DDAH1: variants seen among roughly 807,000 people sequenced by gnomAD.
DDAH1 encodes dimethylarginine dimethylaminohydrolase 1, also known as N(G),N(G)-dimethylarginine dimethylaminohydrolase 1.
A neutral mutation model predicts 28.8 loss-of-function variants in DDAH1; 19 were observed. The observed-to-expected ratio is 0.66, with a 90% CI of 0.46 to 0.97. The LOEUF (loss-of-function observed/expected upper bound fraction) is 0.97, where lower values mean the gene tolerates loss of function less well. DDAH1 is among the 50% of genes least tolerant of loss of function. The probability of loss-of-function intolerance (pLI) is 0.00; values close to 1 mark genes in which losing one functional copy is unlikely to be tolerated. For synonymous variants in DDAH1, 153 were observed against 154.4 expected (o/e 0.99, Z 0.07); for missense variants, 326 against 375.9 (o/e 0.87, Z 1.10).
chr1:85,523,148 C>A (rs539333550), intron 1 of DDAH1, among the ~76,000 whole-genome samples: 1 of 151,830 alleles, frequency 6.6e-6, no homozygotes, highest in African/African-American at 2.4e-5. Flanking sequence ...GTAGGGCTCA[C>A]GCAGTTGAAG....
At chr1:85,345,376 T>A (rs895383166) in intron 4 of DDAH1, among the ~76,000 whole-genome samples, 1 of 151,546 alleles carries the variant, frequency 6.6e-6, no homozygotes, top group Non-Finnish European at 1.5e-5. Context: ...GAAGGTGAGA[T>A]GCAAAGTTGG....
At chr1:85,453,465 T>C (rs981306041) in intron 1 of DDAH1, among the ~76,000 whole-genome samples, 2 of 152,188 alleles carry the variant, frequency 1.3e-5, no homozygotes, top group Non-Finnish European at 1.5e-5. Context: ...CCTCTATCAT[T>C]AATGTCTCTC....
intron 1 of DDAH1, among the ~76,000 whole-genome samples, chr1:85,523,879 ACT>A (rs1491003360): frequency 6.6e-6 from 1 of 152,046 alleles, no homozygotes; most frequent in Non-Finnish European, 1.5e-5. Flanking sequence ...AGGAAAGTTA[ACT>A]CTATGAACAC....
chr1:85,511,179 C>T (rs200185361), intron 1 of DDAH1, among the ~76,000 whole-genome samples: 1 of 152,074 alleles, frequency 6.6e-6, no homozygotes, highest in African/African-American at 2.4e-5. Context: ...TCAAATTAGA[C>T]CTCAGGATTA....
intron 4 of DDAH1, 37 bp downstream of exon 4, chr1:85,350,378 C>T (rs1268736348): frequency 1.2e-6 from 2 of 1,600,974 alleles, no homozygotes; most frequent in African/African-American, 1.3e-5. Flanking sequence ...GGCAGGCACC[C>T]CCACTACATT....
Position 85,512,839 on chromosome 1 carries a change from T to G in DDAH1, c.-122-16558A>C, listed in dbSNP as rs571174615. On this transcript the variant is annotated intron_variant, in intron 1 of 6. Coordinates refer to the DDAH1 transcript ENST00000426972. ...AGGAGAACTACAAACCACTGCTCAA[T>G]GAAATAAAAGAGGACACCAACAAAT... Among the ~76,000 whole-genome samples the G allele has an allele frequency of 4.5e-4, 68 of 152,076 alleles. 1 individual carries two copies. The Middle Eastern group carries it at 0.01, about 23-fold the overall frequency.
chr1:85,332,944 G>C (rs542114501), intron 4 of DDAH1, among the ~76,000 whole-genome samples: 2 of 152,272 alleles, frequency 1.3e-5, no homozygotes, highest in South Asian at 4.2e-4. Context: ...GTGCCCATGG[G>C]GAGCCTGAGG....
At chr1:85,517,866 A>T (rs1287161279) in intron 1 of DDAH1, among the ~76,000 whole-genome samples, 5 of 152,136 alleles carry the variant, frequency 3.3e-5, no homozygotes, top group Admixed American at 3.3e-4. Context: ...CTGGCTACTC[A>T]CTGGGCCCTC....
chr1:85,362,233 G>A (rs1200098430), intron 1 of DDAH1, among the ~76,000 whole-genome samples: 1 of 151,846 alleles, frequency 6.6e-6, no homozygotes, highest in African/African-American at 2.4e-5. Context: ...AAGCTGTCAA[G>A]ACATGTGGCA....
intron 1 of DDAH1, among the ~76,000 whole-genome samples, chr1:85,393,712 T>C (rs1226503939): frequency 6.6e-6 from 1 of 152,256 alleles, no homozygotes; most frequent in Non-Finnish European, 1.5e-5. Context: ...GGGGTCTTAA[T>C]CTTTGCCCTT....
At chr1:85,415,005 CTTTTTTTTTTTTTTTT>C (rs71727580) in intron 1 of DDAH1, among the ~76,000 whole-genome samples, 1 of 57,566 alleles carries the variant, frequency 1.7e-5, no homozygotes, top group Non-Finnish European at 3.2e-5. Flanking sequence ...TCAAGTGTTG[CTTTTTTTTTTTTTTTT>C]TTTTTTTTTT....
chr1:85,444,614 T>C (rs541186808), intron 1 of DDAH1, among the ~76,000 whole-genome samples: 2 of 152,292 alleles, frequency 1.3e-5, no homozygotes, highest in African/African-American at 2.4e-5. Flanking sequence ...GTCCTGAGAA[T>C]GTTGTGAGTG....
Position 85,400,188 on chromosome 1 carries a change from T to TC in DDAH1, c.304-41342_304-41341insG, listed in dbSNP as rs1557582235. On this transcript the variant is annotated intron_variant, in intron 1 of 5. Transcript: ENST00000284031. ...CTTTCTTTTCTTTTCTTTTTTTTTT[T>TC]TTTTTTTTTTTTTTTTTTTTGAGAC... 1.5e-3 allele frequency among the ~76,000 whole-genome samples: 151 copies of TC among 99,536 alleles called. 4 individuals carry two copies. Among genetic ancestry groups the TC allele is most frequent in the African/African-American group, 5.7e-3 (144 of 25,168 alleles). The allele number at this position is 99,536 out of a possible 152,430, so 65.3% of individuals were successfully genotyped here.
chr1:85,407,362 G>A (rs1176446353), intron 1 of DDAH1, among the ~76,000 whole-genome samples: 1 of 152,152 alleles, frequency 6.6e-6, no homozygotes, highest in Non-Finnish European at 1.5e-5. Context: ...GCTTGAGTGT[G>A]CAGGAATGTC....
intron 1 of DDAH1, among the ~76,000 whole-genome samples, chr1:85,505,491 G>A (rs569400038): frequency 4.6e-5 from 7 of 152,228 alleles, no homozygotes; most frequent in East Asian, 1.9e-4. Flanking sequence ...AAAAAGACAC[G>A]AATAAGAGAA....
chr1:85,384,170 T>A (rs1462371024), intron 1 of DDAH1, among the ~76,000 whole-genome samples: 1 of 152,226 alleles, frequency 6.6e-6, no homozygotes. Context: ...ATCTCATTTC[T>A]GCGTGAGTTC....
chr1:85,395,027 T>TATGTA, intron 1 of DDAH1, among the ~76,000 whole-genome samples: 1 of 152,304 alleles, frequency 6.6e-6, no homozygotes, highest in East Asian at 1.9e-4. Context: ...CTAATTAATA[T>TATGTA]ATGTAATTCT....
chr1:85,550,308 G>A (rs186256646), intron 1 of DDAH1, among the ~76,000 whole-genome samples: 34 of 152,226 alleles, frequency 2.2e-4, no homozygotes, highest in Admixed American at 2.2e-3. Context: ...CTGTGATGAG[G>A]GTTTCATCCA....
At chr1:85,440,749 G>A (rs1239194989) in intron 1 of DDAH1, among the ~76,000 whole-genome samples, 1 of 152,168 alleles carries the variant, frequency 6.6e-6, no homozygotes, top group East Asian at 1.9e-4. Flanking sequence ...TGATTTTACT[G>A]TCTAGACACC....
Sources: gnomAD v4.1 joint callset for allele counts (sites outside exome capture counted in the v4.1 genomes callset) on GRCh38, gnomAD v4.1.1 for gene constraint, MANE v1.5 for transcripts, NCBI Gene and HGNC (gene_info 2026-07-23, HGNC 2026-07-21) for gene names.